The following EYS variants were observed in gnomAD, a reference collection of about 807,000 sequenced individuals.
EYS encodes EGF-like photoreceptor maintenance factor.
Under a neutral mutation model 282.1 loss-of-function variants are expected in EYS, and 250 were observed. That is an observed-to-expected ratio of 0.89 (90% CI 0.80 to 0.98). EYS has a LOEUF of 0.98. Among genes scored for constraint, EYS ranks in the 50% least tolerant of loss-of-function variants. The pLI, the probability that EYS is intolerant of heterozygous loss-of-function variation, is 0.00. For missense variants in EYS, 4,016 were observed against 3,709.0 expected, an observed-to-expected ratio of 1.08 and a Z score of -2.15; for synonymous variants, 1,355 against 1,282.9, an observed-to-expected ratio of 1.06 and a Z score of -1.20.
intron 5 of EYS, chr6:65,489,654 T>C (rs1267763155): frequency 2.0e-5 from 3 of 152,134 alleles, no homozygotes; most frequent in Non-Finnish European, 4.4e-5. Context: ...ATAATCATTC[T>C]ACGATAAAGA....
intron 12 of EYS, among the ~76,000 whole-genome samples, chr6:65,143,607 G>A (rs985227403): frequency 3.3e-5 from 5 of 152,022 alleles, no homozygotes; most frequent in Non-Finnish European, 7.4e-5. Context: ...AAATTGAGAT[G>A]TAATTTAAGG....
chr6:64,623,763 G>C (rs1227233601), intron 23 of EYS, among the ~76,000 whole-genome samples: 2 of 152,070 alleles, frequency 1.3e-5, no homozygotes, highest in Non-Finnish European at 2.9e-5. Flanking sequence ...TTGCCTTACT[G>C]TGAGGGTGGT....
chr6:64,481,055 C>T (rs950694194), intron 26 of EYS, among the ~76,000 whole-genome samples: 1 of 151,308 alleles, frequency 6.6e-6, no homozygotes, highest in Non-Finnish European at 1.5e-5. Flanking sequence ...TCCAATATTT[C>T]AGGTGAACAG....
chr6:64,285,556 C>A (rs1434325490), intron 30 of EYS, among the ~76,000 whole-genome samples: 1 of 152,172 alleles, frequency 6.6e-6, no homozygotes, highest in Non-Finnish European at 1.5e-5. Context: ...TCTGAGCCCT[C>A]CAAAGTTGCT....
intron 26 of EYS, among the ~76,000 whole-genome samples, chr6:64,531,238 A>G (rs1032862447): frequency 3.9e-5 from 6 of 152,224 alleles, no homozygotes; most frequent in African/African-American, 9.6e-5. Flanking sequence ...CTCCCTCCTA[A>G]GAATAACAAC....
intron 2 of EYS, among the ~76,000 whole-genome samples, chr6:65,598,404 A>G (rs1035387631): frequency 1.2e-4 from 18 of 151,932 alleles, no homozygotes. Flanking sequence ...TTGAAGATAT[A>G]ATTCAATGAT....
chr6:64,983,768 T>A (rs369732886), intron 14 of EYS, among the ~76,000 whole-genome samples: 1 of 151,320 alleles, frequency 6.6e-6, no homozygotes. Flanking sequence ...CTCAATTTTG[T>A]GGTTATTTCT....
At chr6:64,436,357 T>A (rs1774747691) in intron 27 of EYS, 92 bp from the exon 28 acceptor site, 1 of 678,978 alleles carries the variant, frequency 1.5e-6, no homozygotes, top group Non-Finnish European at 2.6e-6. Flanking sequence ...TATCAATATA[T>A]TTTACATCAC....
rs555293534 is a variant in EYS, at chr6:65,376,638, C to T, written c.1299+7748G>A. On this transcript the variant is annotated intron_variant, in intron 8 of 42. Transcript: ENST00000503581. ...CTGCATTCAGAAGACCCATCTCATA[C>T]GCAAAGACATGTATAGGCTCAAAAT... Among the ~76,000 whole-genome samples the T allele has an allele frequency of 6.0e-4, 91 of 152,090 alleles. No individual in the cohort carries two copies. The South Asian group carries it at 6.6e-3, about 11-fold the overall frequency.
At chr6:65,305,508 G>A (rs1386589779) in intron 11 of EYS, among the ~76,000 whole-genome samples, 1 of 152,194 alleles carries the variant, frequency 6.6e-6, no homozygotes, top group Non-Finnish European at 1.5e-5. Context: ...AGCTCAGGAA[G>A]CCTGTAATGT....
At chr6:63,831,469 A>G (rs1201558190) in intron 36 of EYS, among the ~76,000 whole-genome samples, 1 of 152,220 alleles carries the variant, frequency 6.6e-6, no homozygotes, top group African/African-American at 2.4e-5. Context: ...AGAGACAAAG[A>G]AGGCCATTAC....
chr6:65,457,264 A>C (rs9342479), intron 5 of EYS, among the ~76,000 whole-genome samples: 28,173 of 152,058 alleles, frequency 0.19, 3,259 homozygotes, highest in Middle Eastern at 0.3. Flanking sequence ...TCATGGGCTT[A>C]AGTGATTCTC....
intron 13 of EYS, among the ~76,000 whole-genome samples, chr6:65,004,453 C>G (rs73765713): frequency 0.018 from 2,640 of 147,772 alleles, 145 homozygotes; most frequent in African/African-American, 0.06. Flanking sequence ...GCTGAAGGAA[C>G]TCACTGTCAT....
In EYS at chr6:65,594,032, T is replaced by C. The variant is rs572243481; in HGVS notation, c.-333+45746A>G. On this transcript the variant is annotated intron_variant, in intron 2 of 42. Coordinates refer to ENST00000503581, the MANE Select transcript of EYS (RefSeq NM_001142800.2). ...GACATGATACAACCCCAGAGCAGCATGGTGCTTCACTAATAATAACAAAAT... is the reference window on the plus strand; with the variant it reads ...GACATGATACAACCCCAGAGCAGCACGGTGCTTCACTAATAATAACAAAAT... Among the ~76,000 whole-genome samples the C allele has an allele frequency of 7.7e-4, 117 of 152,082 alleles. 1 individual carries two copies. Among genetic ancestry groups the C allele is most frequent in the African/African-American group, 2.2e-3 (90 of 41,542 alleles).
intron 13 of EYS, among the ~76,000 whole-genome samples, chr6:65,009,250 C>T (rs1353029966): frequency 6.6e-6 from 1 of 152,078 alleles, no homozygotes; most frequent in Non-Finnish European, 1.5e-5. Flanking sequence ...AACAAGAACT[C>T]CAAAAAATTA....
intron 19 of EYS, among the ~76,000 whole-genome samples, chr6:64,858,887 A>G (rs896859145): frequency 6.6e-6 from 1 of 152,170 alleles, no homozygotes; most frequent in Admixed American, 6.5e-5. Context: ...ATCATTCTCA[A>G]TGATGAAATG....
At chr6:64,945,429 T>C (rs951065980) in intron 15 of EYS, among the ~76,000 whole-genome samples, 2 of 151,934 alleles carry the variant, frequency 1.3e-5, no homozygotes, top group Non-Finnish European at 2.9e-5. Flanking sequence ...AAATTGGAAG[T>C]TTTAATTTAG....
chr6:64,008,098 T>G (rs555605681), intron 33 of EYS, among the ~76,000 whole-genome samples: 13 of 152,288 alleles, frequency 8.5e-5, no homozygotes, highest in South Asian at 4.1e-4. Context: ...CCACTATTGT[T>G]GTATGGTTAT....
At chr6:63,829,501 A>T (rs1771566161) in intron 36 of EYS, among the ~76,000 whole-genome samples, 1 of 152,192 alleles carries the variant, frequency 6.6e-6, no homozygotes, top group Admixed American at 6.5e-5. Flanking sequence ...GCAAGGTGGC[A>T]GCGAGGCTGG....
Sources: gnomAD v4.1 joint callset for allele counts (sites outside exome capture counted in the v4.1 genomes callset) on GRCh38, gnomAD v4.1.1 for gene constraint, MANE v1.5 for transcripts, NCBI Gene and HGNC (gene_info 2026-07-23, HGNC 2026-07-21) for gene names.